Variants in KLHL1 observed in about 807,000 individuals in gnomAD.
KLHL1 encodes kelch-like protein 1.
KLHL1 carries 47 observed loss-of-function variants against 77.7 expected under a neutral mutation model. The ratio of observed to expected loss-of-function variants is 0.60; its 90% confidence interval spans 0.48 to 0.77. The LOEUF is 0.77. KLHL1 is among the 30% of genes least tolerant of loss of function. KLHL1 has a pLI of 0.00. For missense variants in KLHL1, 925 were observed against 910.8 expected (o/e 1.02, Z -0.20); for synonymous variants, 360 against 325.2 (o/e 1.11, Z -1.15).
chr13:69,961,201 A>G (rs995690779), intron 3 of KLHL1, 107 bp downstream of exon 3: 5 of 1,027,058 alleles, frequency 4.9e-6, no homozygotes, highest in Non-Finnish European at 7.0e-6. Context: ...AACTGAAAAG[A>G]TACAGAATAC....
chr13:69,785,148 T>A (rs930517772), intron 7 of KLHL1, among the ~76,000 whole-genome samples: 1 of 151,918 alleles, frequency 6.6e-6, no homozygotes, highest in Non-Finnish European at 1.5e-5. Context: ...CGCCTTGGCC[T>A]CCCAAAGTGC....
chr13:69,712,709 AT>A (rs1875931702), intron 9 of KLHL1, among the ~76,000 whole-genome samples: 1 of 150,524 alleles, frequency 6.6e-6, no homozygotes, highest in African/African-American at 2.4e-5. Context: ...ACATGAAACA[AT>A]TTTAATTTTA....
intron 2 of KLHL1, among the ~76,000 whole-genome samples, chr13:69,967,476 T>C (rs1193719604): frequency 6.6e-6 from 1 of 152,150 alleles, no homozygotes; most frequent in African/African-American, 2.4e-5. Context: ...ATGATCAAAT[T>C]TGAATGGATG....
chr13:70,037,733 T>A (rs1886274244), intron 1 of KLHL1, among the ~76,000 whole-genome samples: 1 of 152,114 alleles, frequency 6.6e-6, no homozygotes. Context: ...TCATAACTAT[T>A]TCCAGTTCAG....
intron 1 of KLHL1, among the ~76,000 whole-genome samples, chr13:69,998,347 A>G (rs1885207279): frequency 6.6e-6 from 1 of 151,606 alleles, no homozygotes; most frequent in Non-Finnish European, 1.5e-5. Flanking sequence ...AGCTCACACA[A>G]TGGGAGCTCC....
At chr13:69,747,102 A>G (rs774832524) in intron 7 of KLHL1, among the ~76,000 whole-genome samples, 1 of 152,076 alleles carries the variant, frequency 6.6e-6, no homozygotes, top group African/African-American at 2.4e-5. Flanking sequence ...CATCTCTTTC[A>G]CATCTTGTTC....
chr13:69,723,020 C>A (rs779139436), intron 8 of KLHL1, among the ~76,000 whole-genome samples: 1 of 151,938 alleles, frequency 6.6e-6, no homozygotes, highest in African/African-American at 2.4e-5. Flanking sequence ...CTAATATTTT[C>A]TATAACATGG....
chr13:69,876,137 T>C (rs764574586), intron 5 of KLHL1, among the ~76,000 whole-genome samples: 3 of 152,194 alleles, frequency 2.0e-5, no homozygotes, highest in Non-Finnish European at 4.4e-5. Flanking sequence ...TGGAGACACT[T>C]ATCAAGGAGT....
chr13:70,076,259 A>T (rs1887265102), intron 1 of KLHL1, among the ~76,000 whole-genome samples: 1 of 152,002 alleles, frequency 6.6e-6, no homozygotes, highest in Non-Finnish European at 1.5e-5. Flanking sequence ...TAATCAAGAG[A>T]GTGTAGTACT....
chr13:69,752,326 C>G (rs2137950252), intron 7 of KLHL1, among the ~76,000 whole-genome samples: 1 of 152,030 alleles, frequency 6.6e-6, no homozygotes, highest in African/African-American at 2.4e-5. Flanking sequence ...AGGACTCTAT[C>G]TATGTTTGAT....
At chr13:69,750,122 A>T (rs1874408050) in intron 7 of KLHL1, among the ~76,000 whole-genome samples, 1 of 151,556 alleles carries the variant, frequency 6.6e-6, no homozygotes, top group South Asian at 2.1e-4. Flanking sequence ...TTAAATTACT[A>T]AATTATTATT....
intron 4 of KLHL1, among the ~76,000 whole-genome samples, chr13:69,904,990 C>A (rs904613876): frequency 1.3e-5 from 2 of 152,084 alleles, no homozygotes; most frequent in Non-Finnish European, 2.9e-5. Context: ...TATATCATGG[C>A]TACCCTGAAA....
intron 6 of KLHL1, among the ~76,000 whole-genome samples, chr13:69,804,096 T>C (rs1270080248): frequency 6.6e-6 from 1 of 152,148 alleles, no homozygotes; most frequent in African/African-American, 2.4e-5. Flanking sequence ...ATTTTTACAA[T>C]TTATAAAGTA....
At chr13:70,052,511 G>A (rs1886653502) in intron 1 of KLHL1, among the ~76,000 whole-genome samples, 2 of 151,392 alleles carry the variant, frequency 1.3e-5, no homozygotes, top group African/African-American at 4.9e-5. Flanking sequence ...TCAAAATGAG[G>A]CCTTCTTAAT....
chr13:69,780,903 T>C (rs61451843), intron 7 of KLHL1, among the ~76,000 whole-genome samples: 37,890 of 151,312 alleles, frequency 0.25, 4,874 homozygotes, highest in South Asian at 0.34. Flanking sequence ...CCCTGACACA[T>C]GAGCATTTCT....
chr13:69,947,427 A>G (rs1441916351), intron 3 of KLHL1, among the ~76,000 whole-genome samples: 1 of 152,242 alleles, frequency 6.6e-6, no homozygotes, highest in East Asian at 1.9e-4. Flanking sequence ...TGTCAATGTA[A>G]TAACTTACAG....
At chr13:69,795,634 T>G (rs537441378) in intron 7 of KLHL1, among the ~76,000 whole-genome samples, 5 of 152,322 alleles carry the variant, frequency 3.3e-5, no homozygotes, top group Non-Finnish European at 7.3e-5. Flanking sequence ...GTCATTTTAA[T>G]TATTATATTT....
chr13:69,786,022 A>G (rs186713498), intron 7 of KLHL1, among the ~76,000 whole-genome samples: 235 of 152,244 alleles, frequency 1.5e-3, no homozygotes, highest in Non-Finnish European at 2.3e-3. Flanking sequence ...TCAACAGCTT[A>G]CCCCCCAAAA....
At chr13:69,931,000 A>T (rs1225652172) in intron 4 of KLHL1, among the ~76,000 whole-genome samples, 1 of 148,392 alleles carries the variant, frequency 6.7e-6, no homozygotes, top group Admixed American at 6.7e-5. Context: ...TTTACATTTC[A>T]TGGTATGTAC....
Sources: gnomAD v4.1 joint callset for allele counts (sites outside exome capture counted in the v4.1 genomes callset) on GRCh38, gnomAD v4.1.1 for gene constraint, MANE v1.5 for transcripts, NCBI Gene and HGNC (gene_info 2026-07-23, HGNC 2026-07-21) for gene names.